SLC1A4: variants seen among roughly 807,000 people sequenced by gnomAD.
SLC1A4 encodes solute carrier family 1 member 4, also known as neutral amino acid transporter A.
SLC1A4 carries 19 observed loss-of-function variants against 37.7 expected under a neutral mutation model. The observed-to-expected ratio is 0.50, with a 90% CI of 0.35 to 0.74. The LOEUF is 0.74. Among genes scored for constraint, SLC1A4 ranks in the 30% least tolerant of loss-of-function variants. SLC1A4 has a pLI of 0.01. For missense variants in SLC1A4, 570 were observed against 712.9 expected (o/e 0.80, Z 2.28); for synonymous variants, 299 against 309.8 (o/e 0.97, Z 0.37).
chr2:64,989,246 C>T (rs1672937048), upstream of SLC1A4, among the ~76,000 whole-genome samples: 1 of 85,090 alleles, frequency 1.2e-5, no homozygotes, highest in Admixed American at 1.1e-4. Flanking sequence ...GGACCAGAGG[C>T]TCCCGGCGGC....
intron 3 of SLC1A4, among the ~76,000 whole-genome samples, chr2:65,008,010 C>T (rs1402278741): frequency 6.6e-6 from 1 of 152,134 alleles, no homozygotes; most frequent in Non-Finnish European, 1.5e-5. Context: ...CTCTCGTAAC[C>T]ACCAATCTAC....
At chr2:64,997,739 A>G (rs2103639590) in intron 1 of SLC1A4, among the ~76,000 whole-genome samples, 1 of 152,324 alleles carries the variant, frequency 6.6e-6, no homozygotes, top group African/African-American at 2.4e-5. Flanking sequence ...GTTTTGGACT[A>G]TTATGAATAA....
At chr2:65,015,495 T>C (rs1448650030) in intron 4 of SLC1A4, among the ~76,000 whole-genome samples, 1 of 152,244 alleles carries the variant, frequency 6.6e-6, no homozygotes, top group East Asian at 1.9e-4. Flanking sequence ...AGGAGGATCC[T>C]GGCTTAAGGA....
chr2:65,003,734 A>C (rs1395313200), intron 2 of SLC1A4, among the ~76,000 whole-genome samples: 1 of 152,196 alleles, frequency 6.6e-6, no homozygotes, highest in Non-Finnish European at 1.5e-5. Context: ...TGGGACACTA[A>C]GCAACCCAGA....
At chr2:65,013,563 T>A (rs1338204484) in intron 4 of SLC1A4, among the ~76,000 whole-genome samples, 1 of 152,200 alleles carries the variant, frequency 6.6e-6, no homozygotes, top group Non-Finnish European at 1.5e-5. Flanking sequence ...AGTCATTCCT[T>A]CAATTTGATG....
At chr2:64,997,777 C>A (rs373268651) in intron 1 of SLC1A4, among the ~76,000 whole-genome samples, 1 of 152,130 alleles carries the variant, frequency 6.6e-6, no homozygotes, top group African/African-American at 2.4e-5. Context: ...TTCCTTTTTG[C>A]AGGCATATAT....
chr2:65,008,285 T>C (rs1673765844), intron 3 of SLC1A4, among the ~76,000 whole-genome samples: 1 of 152,156 alleles, frequency 6.6e-6, no homozygotes, highest in Admixed American at 6.6e-5. Context: ...CCCCCAGCTT[T>C]CAGCTATACC....
chr2:65,002,570 CTTTTT>C (rs70937394), intron 2 of SLC1A4, among the ~76,000 whole-genome samples: 12 of 59,046 alleles, frequency 2.0e-4, no homozygotes, highest in Admixed American at 1.6e-3. Context: ...TGTGACCATT[CTTTTT>C]TTTTTTTTTT....
Position 64,989,594 on chromosome 2 carries a change from C to T in SLC1A4, c.-50C>T. ...CATTCATTGGGAACCCCGTCTTTTGCCAGAGCCCACGTCCCCTGCCACCTC... is the reference window on the plus strand; with the variant it reads ...CATTCATTGGGAACCCCGTCTTTTGTCAGAGCCCACGTCCCCTGCCACCTC... On this transcript the variant is annotated 5_prime_UTR_variant, in exon 1 of 8. Transcript: ENST00000234256. 5.0e-6 allele frequency: 7 copies of T among 1,401,172 alleles called. No individual in the cohort carries two copies. Among genetic ancestry groups the T allele is most frequent in the Non-Finnish European group, 5.6e-6 (6 of 1,075,484 alleles). The allele number at this position is 1,401,172 out of a possible 1,614,324, so 86.8% of individuals were successfully genotyped here.
intron 3 of SLC1A4, among the ~76,000 whole-genome samples, chr2:65,008,289 C>T (rs1303896556): frequency 1.3e-5 from 2 of 152,220 alleles, no homozygotes; most frequent in African/African-American, 2.4e-5. Flanking sequence ...CAGCTTTCAG[C>T]TATACCCACC....
chr2:64,993,843 C>T (rs567950005), intron 1 of SLC1A4, among the ~76,000 whole-genome samples: 1 of 152,290 alleles, frequency 6.6e-6, no homozygotes, highest in South Asian at 2.1e-4. Context: ...TGTCTAAGAG[C>T]TCTAAAGCTC....
intron 1 of SLC1A4, chr2:64,994,794 C>T (rs369307790): frequency 2.0e-5 from 3 of 151,724 alleles, no homozygotes; most frequent in Non-Finnish European, 4.4e-5. Flanking sequence ...ATAGAGGAGA[C>T]GAGCGTGGCC....
In SLC1A4 at chr2:65,021,010, A is replaced by C; in HGVS notation, c.1463A>C (p.Glu488Ala). The C allele has an allele frequency of 6.2e-7, 1 of 1,614,256 alleles. No individual in the cohort carries two copies. Among genetic ancestry groups the C allele is most frequent in the Non-Finnish European group, 8.5e-7 (1 of 1,180,040 alleles). Residue 488 changes from glutamate to alanine, a missense_variant, in exon 8 of 8, where the codon GAA becomes GCA. Glu to Ala is a moderately radical substitution (Grantham distance 107, BLOSUM62 -1). Transcript: ENST00000234256. ...AAGGCAACAAAGAAAGGCGAGCAGG[A>C]ACTTGCTGAGGTGAAAGTGGAAGCC... Reference protein sequence around the residue: ...NQKATKKGEQELAEVKVEAIP... With the variant: ...NQKATKKGEQALAEVKVEAIP...
chr2:64,990,294 T>C (rs1445629537), intron 1 of SLC1A4, 124 bp downstream of exon 1: 2 of 999,554 alleles, frequency 2.0e-6, no homozygotes. Context: ...CTGGTGGCGT[T>C]TAACGTTTTA....
At chr2:64,990,845 T>C (rs1293455517) in intron 1 of SLC1A4, among the ~76,000 whole-genome samples, 1 of 152,080 alleles carries the variant, frequency 6.6e-6, no homozygotes, top group Non-Finnish European at 1.5e-5. Context: ...AAAGTGTGAG[T>C]TCTAGAGGGG....
chr2:64,989,748 C>T lies in SLC1A4; in HGVS notation c.105C>T (p.Cys35=). 1 of 1,450,440 alleles carries T rather than the reference C, an allele frequency of 6.9e-7. No individual in the cohort carries two copies. Among genetic ancestry groups the T allele is most frequent in the Admixed American group, 3.1e-5 (1 of 31,962 alleles). 89.8% of individuals were successfully genotyped at this position (1,450,440 alleles called of 1,614,324 possible). Residue 35 remains cysteine, a synonymous_variant, in exon 1 of 8, where the codon TGC becomes TGT. Coordinates refer to ENST00000234256, the MANE Select transcript of SLC1A4 (RefSeq NM_003038.5). Reference sequence around the variant, plus strand: ...CCGCGGCGGGACGCGCACGGCGTTGCGCGGGCTTCCTGCGGCGCCAAGCGC... The same window carrying T: ...CCGCGGCGGGACGCGCACGGCGTTGTGCGGGCTTCCTGCGGCGCCAAGCGC... ...PGTAAGRARR[C]AGFLRRQALV...
chr2:65,002,570 CTTTT>C lies in SLC1A4; in HGVS notation c.570+1102_570+1105del, dbSNP rs70937394. Among the ~76,000 whole-genome samples, 33 of 59,044 alleles carry C rather than the reference CTTTT, an allele frequency of 5.6e-4. No individual in the cohort carries two copies. In the East Asian group the frequency reaches 9.8e-3, roughly 18 times the overall value. The allele number at this position is 59,044 out of a possible 152,430, so 38.7% of individuals were successfully genotyped here. A position where few individuals can be genotyped will look rare whatever the true frequency, so the allele number is the denominator to read the frequency against. On this transcript the variant is annotated intron_variant, in intron 2 of 7. Transcript: ENST00000234256. Reference sequence around the variant, plus strand: ...TGCAAGTAACAGTCCTGTGACCATTCTTTTTTTTTTTTTTTTTTTTTTTTTGAGA... The same window carrying C: ...TGCAAGTAACAGTCCTGTGACCATTCTTTTTTTTTTTTTTTTTTTTTGAGA...
chr2:65,000,646 C>A (rs1247652139), intron 1 of SLC1A4: 1 of 152,186 alleles, frequency 6.6e-6, no homozygotes, highest in East Asian at 1.9e-4. Flanking sequence ...AAAACAAAAA[C>A]CACCCCATAA....
chr2:65,015,404 T>C (rs1159437022), intron 4 of SLC1A4, among the ~76,000 whole-genome samples: 2 of 152,112 alleles, frequency 1.3e-5, no homozygotes, highest in Non-Finnish European at 2.9e-5. Context: ...AGATGTAATA[T>C]AGGGTGAAAA....
Sources: gnomAD v4.1 joint callset for allele counts (sites outside exome capture counted in the v4.1 genomes callset) on GRCh38, gnomAD v4.1.1 for gene constraint, MANE v1.5 for transcripts, NCBI Gene and HGNC (gene_info 2026-07-23, HGNC 2026-07-21) for gene names.